The following GRAMD4 variants were observed in gnomAD, a reference collection of about 807,000 sequenced individuals.
The protein encoded by GRAMD4 is GRAM domain containing 4, also known as GRAM domain-containing protein 4.
A neutral mutation model predicts 83.9 loss-of-function variants in GRAMD4; 25 were observed. That is an observed-to-expected ratio of 0.30 (90% CI 0.22 to 0.42). GRAMD4 has a LOEUF of 0.42. Among genes scored for constraint, GRAMD4 ranks in the 10% least tolerant of loss-of-function variants. The pLI, the probability that GRAMD4 is intolerant of heterozygous loss-of-function variation, is 1.00. For missense variants in GRAMD4, 593 were observed against 788.7 expected (o/e 0.75, Z 2.97); for synonymous variants, 336 against 320.9 (o/e 1.05, Z -0.50).
In GRAMD4 at chr22:46,672,253, G is replaced by GAC. The variant is rs2082519575; in HGVS notation, c.1085-590_1085-589insAC. Among the ~76,000 whole-genome samples the GAC allele has an allele frequency of 6.6e-6, 1 of 152,204 alleles. No homozygotes were observed. The highest frequency in any genetic ancestry group is 1.5e-5 in the Non-Finnish European group (1 of 68,046). ...TTTAGTAGGGGGACTGACCATGATT[G>GAC]TGTCAGGTGACAGTATCGGGGAGAA... On this transcript the variant is annotated intron_variant, in intron 13 of 18. Coordinates refer to ENST00000406902, the MANE Select transcript of GRAMD4 (RefSeq NM_015124.5). This position sits in a 1 kb window ranked among gnomAD's most constrained non-coding sequence, Gnocchi z 4.7.
chr22:46,677,710 A>G lies in GRAMD4; in HGVS notation c.*459A>G. On this transcript the variant is annotated 3_prime_UTR_variant, in exon 19 of 19. Coordinates refer to ENST00000406902, the MANE Select transcript of GRAMD4 (RefSeq NM_015124.5). ...GGGGCCCTTCCTCCTGGGGACAGAAAGATGTCGTCAAGGAGGGACATGGGG... is the reference window on the plus strand; with the variant it reads ...GGGGCCCTTCCTCCTGGGGACAGAAGGATGTCGTCAAGGAGGGACATGGGG... 1 of 986,610 alleles carries G rather than the reference A, an allele frequency of 1.0e-6. No homozygotes were observed. Among genetic ancestry groups the G allele is most frequent in the Non-Finnish European group, 1.2e-6 (1 of 830,604 alleles). The allele number at this position is 986,610 out of a possible 1,614,324, so 61.1% of individuals were successfully genotyped here.
chr22:46,626,645 C>T (rs573962735), intron 1 of GRAMD4, 106 bp from the exon 2 acceptor site: 11 of 654,530 alleles, frequency 1.7e-5, no homozygotes, highest in African/African-American at 6.1e-5. Context: ...GTCTCTGGGT[C>T]GGGGTTTTCT....
intron 9 of GRAMD4, 95 bp from the exon 10 acceptor site, chr22:46,666,730 C>A: frequency 9.3e-7 from 1 of 1,072,946 alleles, no homozygotes; most frequent in Non-Finnish European, 1.4e-6. Flanking sequence ...AGGGCCCCCT[C>A]CAAGCCCAGC....
Position 46,647,821 on chromosome 22 carries a change from A to G in GRAMD4, c.283+9861A>G, listed in dbSNP as rs1045826364. Among the ~76,000 whole-genome samples, 3 of 152,180 alleles carry G rather than the reference A, an allele frequency of 2.0e-5. No individual in the cohort carries two copies. The South Asian group carries it at 6.2e-4, about 32-fold the overall frequency. On this transcript the variant is annotated intron_variant, in intron 3 of 18. Coordinates refer to ENST00000406902, the MANE Select transcript of GRAMD4 (RefSeq NM_015124.5). ...CAAGCCTTCCCGTCCTCTGCACCTC[A>G]TCTGTAGATGAGGCTACATGGCAGA... is the stretch of plus-strand genomic sequence containing the variant.
intron 5 of GRAMD4, 31 bp from the exon 6 acceptor site, chr22:46,663,009 C>T (rs777322509): frequency 3.3e-5 from 52 of 1,578,422 alleles, no homozygotes; most frequent in African/African-American, 4.0e-5. Context: ...GCAGCCCTGC[C>T]GTGCCCTCAC....
intron 1 of GRAMD4, among the ~76,000 whole-genome samples, chr22:46,600,647 G>C (rs1472849465): frequency 2.0e-5 from 3 of 152,184 alleles, no homozygotes; most frequent in Admixed American, 1.3e-4. Context: ...GTACACTCAG[G>C]TGCTAAGCCC....
At chr22:46,615,611 C>T (rs553341991), upstream of GRAMD4, among the ~76,000 whole-genome samples, 2 of 84,722 alleles carry the variant, frequency 2.4e-5, no homozygotes, top group Non-Finnish European at 4.7e-5. Context: ...GTAGGTTCCC[C>T]GTGCGTGTAG....
chr22:46,665,654 T>C lies in GRAMD4; in HGVS notation c.757T>C (p.Leu253=). The change falls in exon 9 of 19, where the codon TTG becomes CTG. Residue 253 remains leucine (L), a synonymous_variant. Coordinates refer to ENST00000406902, the MANE Select transcript of GRAMD4 (RefSeq NM_015124.5). ...CGTGTGGCATGGCTGGGCCATCCCA[T>C]TGTTCTTATTTCTAGCAATTCTGAG... The part of the protein sequence containing the change: ...NAVWHGWAIP[L]FLFLAILRLS... The C allele has an allele frequency of 1.9e-6, 3 of 1,605,454 alleles. No homozygotes were observed. The highest frequency in any genetic ancestry group is 1.7e-6 in the Non-Finnish European group (2 of 1,172,706).
chr22:46,642,920 C>T (rs2081992789), intron 3 of GRAMD4, among the ~76,000 whole-genome samples: 1 of 150,962 alleles, frequency 6.6e-6, no homozygotes, highest in Non-Finnish European at 1.5e-5. Context: ...TTTATCCATC[C>T]AGGGATCCAT....
intron 3 of GRAMD4, among the ~76,000 whole-genome samples, chr22:46,657,485 G>A (rs1385891666): frequency 2.0e-5 from 3 of 152,212 alleles, no homozygotes; most frequent in Non-Finnish European, 4.4e-5. Context: ...GAGGCTGCCT[G>A]CACTCCCTGG....
In GRAMD4 at chr22:46,673,759, G is replaced by A. The variant is rs756529762; in HGVS notation, c.1329G>A (p.Lys443=). The A allele has an allele frequency of 6.2e-7, 1 of 1,613,156 alleles. No individual in the cohort carries two copies. The highest frequency in any genetic ancestry group is 8.5e-7 in the Non-Finnish European group (1 of 1,179,974). ...ACGCCGGTCGCTTCCACAGCACCAAGAAGGGCAATTTCCACGAGATCTTCA... is the reference window on the plus strand; with the variant it reads ...ACGCCGGTCGCTTCCACAGCACCAAAAAGGGCAATTTCCACGAGATCTTCA... ...EEDAGRFHST[K]KGNFHEIFNL... is the part of the protein sequence containing the mutation. Residue 443 remains lysine, a synonymous_variant, in exon 15 of 19, where the codon AAG becomes AAA. Transcript: ENST00000406902.
At chr22:46,591,946 C>T (rs543083012) in intron 1 of GRAMD4, among the ~76,000 whole-genome samples, 30 of 128,932 alleles carry the variant, frequency 2.3e-4, no homozygotes, top group Admixed American at 5.2e-4. Context: ...TATCAGTGGA[C>T]ATTGGGGCCC....
At chr22:46,647,455 C>T (rs2082087627) in intron 3 of GRAMD4, among the ~76,000 whole-genome samples, 1 of 152,186 alleles carries the variant, frequency 6.6e-6, no homozygotes, top group African/African-American at 2.4e-5. Context: ...CTGGCCTGTC[C>T]TGTCCCTGGA....
rs961017047 is a variant in GRAMD4, at chr22:46,678,292, C to T, written c.*1041C>T. On this transcript the variant is annotated 3_prime_UTR_variant, in exon 19 of 19. Coordinates refer to ENST00000406902, the MANE Select transcript of GRAMD4 (RefSeq NM_015124.5). Reference sequence around the variant, plus strand: ...GCAGCCCCTGTGCTTTAGGGAGCAACCGTGAGCCGAGCCCAGAGGCCTGGG... The same window carrying T: ...GCAGCCCCTGTGCTTTAGGGAGCAATCGTGAGCCGAGCCCAGAGGCCTGGG... The T allele has an allele frequency of 3.0e-6, 3 of 985,362 alleles. No individual in the cohort carries two copies. The highest frequency in any genetic ancestry group is 3.5e-5 in the African/African-American group (2 of 57,252). The allele number at this position is 985,362 out of a possible 1,614,324, so 61.0% of individuals were successfully genotyped here.
chr22:46,642,782 T>C (rs928821646), intron 3 of GRAMD4, among the ~76,000 whole-genome samples: 9 of 152,238 alleles, frequency 5.9e-5, no homozygotes, highest in Non-Finnish European at 1.0e-4. Flanking sequence ...ATTTCAGACT[T>C]ACAGGAAAGT....
At chr22:46,631,307 G>C (rs1049884071) in intron 2 of GRAMD4, among the ~76,000 whole-genome samples, 2 of 152,298 alleles carry the variant, frequency 1.3e-5, no homozygotes, top group African/African-American at 4.8e-5. Flanking sequence ...GGCCCAGCAC[G>C]TGTCACACGC....
intron 3 of GRAMD4, among the ~76,000 whole-genome samples, chr22:46,650,127 C>T (rs1476042694): frequency 2.0e-5 from 3 of 152,244 alleles, no homozygotes; most frequent in Non-Finnish European, 4.4e-5. Flanking sequence ...GTTCGCGCCC[C>T]TGGCCTGGTG....
At chr22:46,657,512 T>C (rs2542045) in intron 3 of GRAMD4, among the ~76,000 whole-genome samples, 1,658 of 152,316 alleles carry the variant, frequency 0.011, 27 homozygotes, top group African/African-American at 0.039. Flanking sequence ...GCCCCTTCCA[T>C]CCTCAGTCTT....
rs192570246 is a variant in GRAMD4 at position 46,594,087 on chromosome 22, G to C, written c.-50+16797G>C. Among the ~76,000 whole-genome samples, 138 of 151,728 alleles carry C rather than the reference G, an allele frequency of 9.1e-4. 2 individuals are homozygous for C. The East Asian group carries it at 0.024, about 27-fold the overall frequency. ...TGGGCTCACCGTCAAGCAGAAGCCAGCCTTGATACCCAGCATCCTGCCAGC... is the reference window on the plus strand; with the variant it reads ...TGGGCTCACCGTCAAGCAGAAGCCACCCTTGATACCCAGCATCCTGCCAGC... On this transcript the variant is annotated intron_variant, in intron 1 of 1. Transcript: ENST00000431155.
Sources: gnomAD v4.1 joint callset for allele counts (sites outside exome capture counted in the v4.1 genomes callset) on GRCh38, gnomAD v4.1.1 for gene constraint, Gnocchi (gnomAD v3.1) non-coding constraint, MANE v1.5 for transcripts, NCBI Gene and HGNC (gene_info 2026-07-23, HGNC 2026-07-21) for gene names.